The following AKAP9 variants were observed in gnomAD, a reference collection of about 807,000 sequenced individuals.
AKAP9 encodes the protein A-kinase anchoring protein 9.
AKAP9 carries 311 observed loss-of-function variants against 488.5 expected under a neutral mutation model. The ratio of observed to expected loss-of-function variants is 0.64; its 90% CI spans 0.58 to 0.70. The LOEUF (loss-of-function observed/expected upper bound fraction) is 0.70. Ranked by LOEUF, AKAP9 falls within the 30% of genes least tolerant of loss-of-function variation. The probability of loss-of-function intolerance (pLI) is 0.00; values close to 1 mark genes in which losing one functional copy is unlikely to be tolerated. For missense variants in AKAP9, 4,215 were observed against 4,374.5 expected (o/e 0.96, Z 1.03); for synonymous variants, 1,462 against 1,483.5 (o/e 0.99, Z 0.33).
intron 14 of AKAP9, among the ~76,000 whole-genome samples, chr7:92,027,258 G>A (rs1584201678): frequency 6.8e-6 from 1 of 146,998 alleles, no homozygotes; most frequent in Non-Finnish European, 1.5e-5. Flanking sequence ...CGTCTGGGAA[G>A]TGAGGAGCAC....
chr7:92,075,660 T>C (rs1812465855), intron 28 of AKAP9, among the ~76,000 whole-genome samples: 1 of 152,206 alleles, frequency 6.6e-6, no homozygotes, highest in Admixed American at 6.5e-5. Flanking sequence ...TCCTCATCTC[T>C]AAAATGGGGA....
intron 22 of AKAP9, among the ~76,000 whole-genome samples, chr7:92,058,691 T>G (rs1237697885): frequency 2.0e-5 from 3 of 152,054 alleles, no homozygotes; most frequent in Non-Finnish European, 2.9e-5. Flanking sequence ...ATGTTTATCA[T>G]GCCAATCCTG....
Position 92,030,011 on chromosome 7 carries a change from T to C in AKAP9, c.4245+20T>C. 6.6e-7 allele frequency: 1 copy of C among 1,513,310 alleles called. No individual in the cohort carries two copies. The highest frequency in any genetic ancestry group is 9.1e-7 in the Non-Finnish European group (1 of 1,093,796). The allele number at this position is 1,513,310 out of a possible 1,614,324, so 93.7% of individuals were successfully genotyped here. A position where few individuals can be genotyped will look rare whatever the true frequency, so the allele number is the denominator to read the frequency against. On this transcript the variant is annotated intron_variant, in intron 15 of 49. Transcript: ENST00000356239. ...ATAGAGGTATTATATTTTTAATTTT[T>C]ATCTTTTAACTGTTATATACACTGA...
At chr7:92,091,188 A>C (rs1168188339) in intron 38 of AKAP9, among the ~76,000 whole-genome samples, 1 of 152,202 alleles carries the variant, frequency 6.6e-6, no homozygotes, top group Non-Finnish European at 1.5e-5. Flanking sequence ...ATGTCCACTG[A>C]GGACACATAC....
intron 1 of AKAP9, among the ~76,000 whole-genome samples, chr7:91,950,185 T>C (rs1220985694): frequency 1.3e-5 from 2 of 151,914 alleles, no homozygotes; most frequent in African/African-American, 2.4e-5. Flanking sequence ...TTGCTCATTG[T>C]GGGCTCTGTG....
chr7:92,095,219 A>G, intron 40 of AKAP9, 46 bp downstream of exon 40: 1 of 1,608,108 alleles, frequency 6.2e-7, no homozygotes, highest in Non-Finnish European at 8.5e-7. Flanking sequence ...CCAGAATGAT[A>G]GAAGAGGGTC....
In AKAP9 at chr7:91,941,239, C is replaced by G; in HGVS notation, c.48+92C>G. ...CTGGGAAGCGGAGTTCGCCGCAGCC[C>G]CAGTGCACTGCCCGAGAGGGAGGTG... is the stretch of plus-strand genomic sequence containing the variant. On this transcript the variant is annotated intron_variant, in intron 1 of 49. Transcript: ENST00000356239. 3.9e-6 allele frequency: 5 copies of G among 1,271,064 alleles called. No homozygotes were observed. In the East Asian group the frequency reaches 1.2e-4, roughly 29 times the overall value. 78.7% of individuals were successfully genotyped at this position (1,271,064 alleles called of 1,614,324 possible).
At chr7:91,995,128 T>A (rs1798231692) in intron 6 of AKAP9, among the ~76,000 whole-genome samples, 1 of 152,368 alleles carries the variant, frequency 6.6e-6, no homozygotes, top group South Asian at 2.1e-4. Flanking sequence ...CAAAACTAAA[T>A]ATATTCCATT....
rs1012520891 is a variant in AKAP9, at chr7:91,965,866, T to G, written c.49-7845T>G. On this transcript the variant is annotated intron_variant, in intron 1 of 49. Coordinates refer to ENST00000356239, the MANE Select transcript of AKAP9 (RefSeq NM_005751.5). ...TGTCTGTTCAGATATTTTGCCCATG[T>G]TTTAATCAGATTATTTGCTCTTTTG... 1.2e-4 allele frequency among the ~76,000 whole-genome samples: 18 copies of G among 152,304 alleles called. 1 individual carries two copies. The highest frequency in any genetic ancestry group is 3.8e-4 in the African/African-American group (16 of 41,572).
intron 1 of AKAP9, among the ~76,000 whole-genome samples, chr7:91,960,557 G>A (rs1793602887): frequency 6.6e-6 from 1 of 151,936 alleles, no homozygotes; most frequent in African/African-American, 2.4e-5. Context: ...CTCCCCACAC[G>A]ACCCCATTTA....
chr7:92,079,164 A>G lies in AKAP9; in HGVS notation c.7031A>G (p.Asn2344Ser), dbSNP rs2130860716. 5 of 1,614,034 alleles carry G rather than the reference A, an allele frequency of 3.1e-6. No individual in the cohort carries two copies. Among genetic ancestry groups the G allele is most frequent in the Non-Finnish European group, 4.2e-6 (5 of 1,179,954 alleles). Residue 2344 changes from asparagine to serine, a missense_variant, in exon 31 of 50, where the codon AAT becomes AGT. Around this residue, in one of 5 missense-constraint regions of AKAP9, gnomAD observed 1,476 missense variants for 1,477.4 expected, o/e 1.00. Transcript: ENST00000356239. ...LMSDQECVKR[N>S]REEEIEQLNE... ...AGTGATCAAGAATGTGTGAAGAGAA[A>G]TAGAGAAGAAGAAATAGAGCAGCTC...
intron 5 of AKAP9, among the ~76,000 whole-genome samples, chr7:91,993,781 T>C (rs1003903619): frequency 6.6e-6 from 1 of 152,184 alleles, no homozygotes; most frequent in African/African-American, 2.4e-5. Flanking sequence ...GTAATCAGCC[T>C]GAGAGAAAAT....
rs1792860673 is a variant in AKAP9, at chr7:91,955,425, T to C, written c.48+14278T>C. Among the ~76,000 whole-genome samples, 4 of 152,272 alleles carry C rather than the reference T, an allele frequency of 2.6e-5. No individual in the cohort carries two copies. In the South Asian group the frequency reaches 8.3e-4, roughly 32 times the overall value. On this transcript the variant is annotated intron_variant, in intron 1 of 49. Coordinates refer to ENST00000356239, the MANE Select transcript of AKAP9 (RefSeq NM_005751.5). ...TCATCTAATCCCAACCCCTCACCAC[T>C]TGAGGTACCTATAGTTCTAAATTTG...
rs948377350 is a variant in AKAP9, at chr7:92,065,866, G to A, written c.6210+403G>A. On this transcript the variant is annotated intron_variant, in intron 25 of 49. Transcript: ENST00000356239. ...AGTGTGGCCATTGGAAATGGGCCCG[G>A]AACAGTGGTCATGCTGCCATTACTC... Among the ~76,000 whole-genome samples the A allele has an allele frequency of 1.2e-4, 18 of 152,218 alleles. 1 individual carries two copies. Among genetic ancestry groups the A allele is most frequent in the African/African-American group, 3.9e-4 (16 of 41,542 alleles).
intron 49 of AKAP9, chr7:92,109,045 CAAA>C (rs1278931958): frequency 7.5e-6 from 1 of 133,396 alleles, no homozygotes; most frequent in Non-Finnish European, 1.4e-5. Context: ...GACCCTGTCT[CAAA>C]GAAAAAAAAA....
chr7:92,007,701 A>G (rs1441169980), intron 8 of AKAP9, among the ~76,000 whole-genome samples: 1 of 152,220 alleles, frequency 6.6e-6, no homozygotes, highest in Non-Finnish European at 1.5e-5. Context: ...CTGAAGTTCA[A>G]CTTAGTAATT....
chr7:91,987,108 A>G (rs116251741), intron 3 of AKAP9, among the ~76,000 whole-genome samples: 1,606 of 152,194 alleles, frequency 0.011, 25 homozygotes, highest in African/African-American at 0.037. Flanking sequence ...GATTTAGAAG[A>G]TTACATTGAA....
Position 92,002,243 on chromosome 7 carries a change from G to A in AKAP9, c.2326G>A (p.Glu776Lys). ...LQEKFAQLEA[E>K]NSILKDEKKT... ...AGAAAAATTTGCACAACTTGAAGCAGAGAATAGCATTCTTAAAGATGAAAA... is the reference window on the plus strand; with the variant it reads ...AGAAAAATTTGCACAACTTGAAGCAAAGAATAGCATTCTTAAAGATGAAAA... Residue 776 changes from glutamate to lysine, a missense_variant, in exon 8 of 50, where the codon GAG (glutamate) becomes AAG (lysine). Physicochemically the swap from Glu to Lys is moderately conservative, Grantham distance 56. Coordinates refer to ENST00000356239, the MANE Select transcript of AKAP9 (RefSeq NM_005751.5). The A allele has an allele frequency of 6.3e-7, 1 of 1,597,850 alleles. No individual in the cohort carries two copies. Among genetic ancestry groups the A allele is most frequent in the Non-Finnish European group, 8.5e-7 (1 of 1,175,934 alleles).
chr7:91,973,838 A>G lies in AKAP9; in HGVS notation c.176A>G (p.Gln59Arg). 1 of 1,614,162 alleles carries G rather than the reference A, an allele frequency of 6.2e-7. No individual in the cohort carries two copies. Among genetic ancestry groups the G allele is most frequent in the Non-Finnish European group, 8.5e-7 (1 of 1,180,020 alleles). ...VSAHHDLNID[Q>R]SQCNEMYINS... ...GCACACCATGATTTGAATATTGATC[A>G]ATCACAGTGTAATGAAATGTACATA... Residue 59 changes from glutamine to arginine, a missense_variant, in exon 2 of 50, where the codon CAA becomes CGA. Physicochemically the swap from Gln to Arg is conservative, Grantham distance 43. This residue lies in a region of AKAP9 where 2,361 missense variants were observed against 2,430.0 expected (regional missense o/e 0.97). Transcript: ENST00000356239.
Sources: allele counts gnomAD v4.1 joint callset (sites outside exome capture counted in the v4.1 genomes callset), GRCh38; gene constraint gnomAD v4.1.1; regional missense constraint gnomAD v4.1.1; transcripts MANE v1.5; gene names NCBI Gene and HGNC (gene_info 2026-07-23, HGNC 2026-07-21).